Variants in NDUFV3 observed in about 807,000 individuals in gnomAD.
The protein encoded by NDUFV3 is NADH:ubiquinone oxidoreductase subunit V3.
In NDUFV3, 44 loss-of-function variants were observed where a neutral mutation model predicts 37.5. The observed-to-expected ratio is 1.17, with a 90% confidence interval of 0.92 to 1.51. The LOEUF is 1.51. Ranked by LOEUF, NDUFV3 falls within the 40% of genes most tolerant of loss-of-function variation. The pLI, the probability that NDUFV3 is intolerant of heterozygous loss-of-function variation, is 0.00. For synonymous variants in NDUFV3, 235 were observed against 239.3 expected, an observed-to-expected ratio of 0.98 and a Z score of 0.17; for missense variants, 580 against 580.4, an observed-to-expected ratio of 1.00 and a Z score of 0.01.
At position 42,909,049 on chromosome 21, in the gene NDUFV3, C is replaced by CACCG; in HGVS notation, c.*29_*32dup. The CACCG allele has an allele frequency of 6.2e-7, 1 of 1,608,606 alleles. No individual in the cohort carries two copies. Among genetic ancestry groups the CACCG allele is most frequent in the Non-Finnish European group, 8.5e-7 (1 of 1,176,794 alleles). ...GCCCTCGGTGTGAAGATGAACCTTC[C>CACCG]ACCGTCTTCACTGCATCCTGGAGTG... On this transcript the variant is annotated 3_prime_UTR_variant, in exon 4 of 4. Coordinates refer to ENST00000354250, the MANE Select transcript of NDUFV3 (RefSeq NM_021075.4).
Position 42,904,120 on chromosome 21 carries a change from A to C in NDUFV3, c.1108A>C (p.Ile370Leu). 1.9e-6 allele frequency: 3 copies of C among 1,614,260 alleles called. No individual in the cohort carries two copies. The highest frequency in any genetic ancestry group is 1.7e-6 in the Non-Finnish European group (2 of 1,180,046). Reference protein sequence around the residue: ...IEGHLKGGQAIVEDQIPPSNL... With the variant: ...IEGHLKGGQALVEDQIPPSNL... ...AGGCCACCTGAAGGGTGGACAGGCAATCGTGGAAGATCAGATACCACCAAG... is the reference window on the plus strand; with the variant it reads ...AGGCCACCTGAAGGGTGGACAGGCACTCGTGGAAGATCAGATACCACCAAG... The change falls in exon 3 of 4, where the codon ATC becomes CTC. Residue 370 changes from isoleucine to leucine, a missense_variant. Physicochemically the swap from Ile to Leu is conservative, Grantham distance 5. Coordinates refer to ENST00000354250, the MANE Select transcript of NDUFV3 (RefSeq NM_021075.4).
intron 1 of NDUFV3, among the ~76,000 whole-genome samples, chr21:42,894,476 T>TA (rs1376667744): frequency 1.4e-5 from 1 of 69,984 alleles, no homozygotes; most frequent in African/African-American, 7.3e-5. Flanking sequence ...ATATATATTA[T>TA]ATATTTATAT....
rs2058730135 is a variant in NDUFV3, at chr21:42,903,958, G to A, written c.946G>A (p.Ala316Thr). The A allele has an allele frequency of 6.2e-7, 1 of 1,613,830 alleles. No individual in the cohort carries two copies. The highest frequency in any genetic ancestry group is 8.5e-7 in the Non-Finnish European group (1 of 1,179,958). ...SPAPAVLAEEARAEGQLQASP... is the reference protein window; with the variant it reads ...SPAPAVLAEETRAEGQLQASP... Reference sequence around the variant, plus strand: ...AGCGCCTGCTGTGTTGGCAGAAGAGGCCAGAGCAGAGGGGCAGCTGCAAGC... The same window carrying A: ...AGCGCCTGCTGTGTTGGCAGAAGAGACCAGAGCAGAGGGGCAGCTGCAAGC... The change falls in exon 3 of 4, where the codon GCC becomes ACC. Residue 316 changes from alanine (A) to threonine (T), a missense_variant. By Grantham distance (58) the Ala-to-Thr change is moderately conservative. Coordinates refer to ENST00000354250, the MANE Select transcript of NDUFV3 (RefSeq NM_021075.4).
chr21:42,904,054 C>T lies in NDUFV3; in HGVS notation c.1042C>T (p.Pro348Ser), dbSNP rs112420413. 4 of 1,614,184 alleles carry T rather than the reference C, an allele frequency of 2.5e-6. No homozygotes were observed. In the African/African-American group the frequency reaches 4.0e-5, roughly 16 times the overall value. ...AGAGCCCCAGCGCAAGGCGGCCCCT[C>T]CCCTGCCCAGAAAGGAAACCTCAGG... ...VPEPQRKAAPPLPRKETSGTQ... is the reference protein window; with the variant it reads ...VPEPQRKAAPSLPRKETSGTQ... Residue 348 changes from proline to serine, a missense_variant, in exon 3 of 4, where the codon CCC (proline) becomes TCC (serine). Physicochemically the swap from Pro to Ser is moderately conservative, Grantham distance 74 (BLOSUM62 -1). Transcript: ENST00000354250.
intron 2 of NDUFV3, among the ~76,000 whole-genome samples, chr21:42,902,406 G>A (rs1254836017): frequency 6.6e-6 from 1 of 152,116 alleles, no homozygotes; most frequent in African/African-American, 2.4e-5. Context: ...GACAAGATGT[G>A]CAAGTATTTT....
At position 42,903,580 on chromosome 21, in the gene NDUFV3, G is replaced by A. The variant is rs756757084; in HGVS notation, c.568G>A (p.Ala190Thr). The change falls in exon 3 of 4, where the codon GCC (alanine) becomes ACC (threonine). Residue 190 changes from alanine (A) to threonine (T), a missense_variant. Ala to Thr is a moderately conservative substitution (Grantham distance 58, BLOSUM62 0). Coordinates refer to ENST00000354250, the MANE Select transcript of NDUFV3 (RefSeq NM_021075.4). Reference protein sequence around the residue: ...KGRGGLRKPEASHSFENRAPR... With the variant: ...KGRGGLRKPETSHSFENRAPR... ...CAGAGGGGGGCTTCGAAAACCAGAGGCCTCTCATTCCTTTGAAAACAGAGC... is the reference window on the plus strand; with the variant it reads ...CAGAGGGGGGCTTCGAAAACCAGAGACCTCTCATTCCTTTGAAAACAGAGC... 14 of 1,613,792 alleles carry A rather than the reference G, an allele frequency of 8.7e-6. No homozygotes were observed. In the African/African-American group the frequency reaches 1.7e-4, roughly 20 times the overall value.
intron 1 of NDUFV3, among the ~76,000 whole-genome samples, chr21:42,894,057 T>C (rs1274641547): frequency 6.6e-6 from 1 of 150,726 alleles, no homozygotes; most frequent in Non-Finnish European, 1.5e-5. Context: ...CTCTAAAAAA[T>C]ACAAAAAATT....
intron 2 of NDUFV3, among the ~76,000 whole-genome samples, chr21:42,898,292 T>C (rs1192735828): frequency 6.6e-6 from 1 of 152,018 alleles, no homozygotes; most frequent in Admixed American, 6.6e-5. Context: ...TTTATGTTAT[T>C]TGTTTTAAGA....
intron 1 of NDUFV3, among the ~76,000 whole-genome samples, chr21:42,895,948 C>T (rs1475254803): frequency 6.6e-6 from 1 of 150,700 alleles, no homozygotes; most frequent in Non-Finnish European, 1.5e-5. Context: ...TGCACGGTAC[C>T]TACATGCACA....
chr21:42,899,277 G>GTATTTTTTTTTTTTT (rs367688123), intron 2 of NDUFV3, among the ~76,000 whole-genome samples: 1 of 141,132 alleles, frequency 7.1e-6, no homozygotes, highest in Non-Finnish European at 1.5e-5. Flanking sequence ...GTTGTATCTT[G>GTATTTTTTTTTTTTT]TTTTTTTTTG....
intron 3 of NDUFV3, among the ~76,000 whole-genome samples, chr21:42,906,680 G>A (rs1454239784): frequency 6.6e-6 from 1 of 152,242 alleles, no homozygotes; most frequent in Non-Finnish European, 1.5e-5. Context: ...AGCCCACCTT[G>A]CAGAGCCGTG....
Position 42,909,287 on chromosome 21 carries a change from A to C in NDUFV3, c.*266A>C, listed in dbSNP as rs2058758382. 1 of 398,568 alleles carries C rather than the reference A, an allele frequency of 2.5e-6. No individual in the cohort carries two copies. The highest frequency in any genetic ancestry group is 4.8e-6 in the Non-Finnish European group (1 of 210,376). The allele number at this position is 398,568 out of a possible 1,614,324, so 24.7% of individuals were successfully genotyped here. On this transcript the variant is annotated 3_prime_UTR_variant, in exon 4 of 4. Transcript: ENST00000354250. ...CTCCCAAGTAGGTGGGATTACAGGT[A>C]CTCACCACCAGGTCCAGCTAACTTT...
intron 3 of NDUFV3, among the ~76,000 whole-genome samples, chr21:42,904,565 A>G (rs943924939): frequency 3.6e-5 from 5 of 140,076 alleles, no homozygotes; most frequent in African/African-American, 1.4e-4. Flanking sequence ...ATCTCTGCTC[A>G]CTACAACTTC....
At chr21:42,907,460 T>C (rs969546569) in intron 3 of NDUFV3, among the ~76,000 whole-genome samples, 1 of 150,358 alleles carries the variant, frequency 6.7e-6, no homozygotes, top group Non-Finnish European at 1.5e-5. Flanking sequence ...TTTTTTTTTT[T>C]TTTTTTTTTG....
intron 2 of NDUFV3, among the ~76,000 whole-genome samples, chr21:42,897,574 A>G (rs1027992878): frequency 6.6e-6 from 1 of 152,046 alleles, no homozygotes. Context: ...AGGGTTTCAC[A>G]ATGTTAGCCA....
chr21:42,904,395 A>AC (rs1196474719), intron 3 of NDUFV3, 119 bp downstream of exon 3: 1 of 1,383,156 alleles, frequency 7.2e-7, no homozygotes, highest in Non-Finnish European at 1.0e-6. Flanking sequence ...TACTAGAAAT[A>AC]TGGCCTGTAA....
chr21:42,910,861 T>C lies in NDUFV3; in HGVS notation c.*1840T>C, dbSNP rs1322881841. On this transcript the variant is annotated 3_prime_UTR_variant, in exon 4 of 4. Coordinates refer to ENST00000354250, the MANE Select transcript of NDUFV3 (RefSeq NM_021075.4). Reference sequence around the variant, plus strand: ...CTTTAAGTCACACCTTTGGGGGCAATGTGGGGGGCTCCTGTGCATCACATG... The same window carrying C: ...CTTTAAGTCACACCTTTGGGGGCAACGTGGGGGGCTCCTGTGCATCACATG... 5 of 153,128 alleles carry C rather than the reference T, an allele frequency of 3.3e-5. No homozygotes were observed. Among genetic ancestry groups the C allele is most frequent in the Non-Finnish European group, 7.3e-5 (5 of 68,538 alleles). The allele number at this position is 153,128 out of a possible 1,614,324, so 9.5% of individuals were successfully genotyped here.
At chr21:42,894,669 G>A (rs1325410166) in intron 1 of NDUFV3, among the ~76,000 whole-genome samples, 2 of 145,884 alleles carry the variant, frequency 1.4e-5, no homozygotes, top group South Asian at 2.1e-4. Context: ...AGCGACTCTC[G>A]TGCCTCAGCC....
In NDUFV3 at chr21:42,896,955, G is replaced by C; in HGVS notation, c.77G>C (p.Arg26Pro). 2 of 1,613,654 alleles carry C rather than the reference G, an allele frequency of 1.2e-6. No homozygotes were observed. The highest frequency in any genetic ancestry group is 1.7e-6 in the Non-Finnish European group (2 of 1,179,782). The change falls in exon 2 of 4, where the codon CGA (arginine) becomes CCA (proline). Residue 26 changes from arginine to proline, a missense_variant. Coordinates refer to ENST00000354250, the MANE Select transcript of NDUFV3 (RefSeq NM_021075.4). ...KTMLQEAQVF[R>P]GLASTVSLSA... ...ATGCTCCAGGAAGCCCAGGTGTTTC[G>C]AGGACTTGCTTCTACGGTTTCTTTG...
Sources: allele counts gnomAD v4.1 joint callset (sites outside exome capture counted in the v4.1 genomes callset), GRCh38; gene constraint gnomAD v4.1.1; transcripts MANE v1.5; gene names NCBI Gene and HGNC (gene_info 2026-07-23, HGNC 2026-07-21).